FEZ1: variants seen among roughly 807,000 people sequenced by gnomAD.
FEZ1 encodes fasciculation and elongation protein zeta 1, also known as fasciculation and elongation protein zeta-1.
FEZ1 carries 20 observed loss-of-function variants against 49.3 expected under a neutral mutation model. The observed-to-expected ratio is 0.41, with a 90% CI of 0.29 to 0.59. The LOEUF is 0.59. FEZ1 is among the 20% of genes least tolerant of loss of function. The pLI, the probability that FEZ1 is intolerant of heterozygous loss-of-function variation, is 0.36. For missense variants in FEZ1, 413 were observed against 476.0 expected, an observed-to-expected ratio of 0.87 and a Z score of 1.23; for synonymous variants, 170 against 180.9, an observed-to-expected ratio of 0.94 and a Z score of 0.48.
intron 3 of FEZ1, among the ~76,000 whole-genome samples, chr11:125,468,834 CT>C (rs1427268116): frequency 6.6e-6 from 1 of 152,160 alleles, no homozygotes; most frequent in African/African-American, 2.4e-5. Context: ...GGAAGATTTG[CT>C]GGTATTCTTC....
At chr11:125,457,417 AAAAAAAAAAAAAAT>A (rs1435368739) in intron 5 of FEZ1, among the ~76,000 whole-genome samples, 3 of 38,652 alleles carry the variant, frequency 7.8e-5, no homozygotes, top group African/African-American at 3.0e-4. Context: ...AAAAAAAAAA[AAAAAAAAAAAAAAT>A]ATATATATAT....
intron 3 of FEZ1, among the ~76,000 whole-genome samples, chr11:125,474,721 C>G (rs1957214853): frequency 6.6e-6 from 1 of 151,684 alleles, no homozygotes; most frequent in South Asian, 2.1e-4. Flanking sequence ...AACCCCGTCT[C>G]TACTAAAAAT....
chr11:125,491,990 T>A (rs181736918), intron 1 of FEZ1, among the ~76,000 whole-genome samples: 88 of 152,336 alleles, frequency 5.8e-4, no homozygotes, highest in African/African-American at 2.1e-3. Context: ...GTTAACATCT[T>A]TAGGAGTTAT....
chr11:125,489,787 G>T lies in FEZ1; in HGVS notation c.-10C>A. 1.3e-6 allele frequency: 2 copies of T among 1,523,512 alleles called. No individual in the cohort carries two copies. The highest frequency in any genetic ancestry group is 2.8e-5 in the African/African-American group (2 of 71,776). The allele number at this position is 1,523,512 out of a possible 1,614,324, so 94.4% of individuals were successfully genotyped here. ...CCAGTGGGGCCTCCATTCTTGCTCA[G>T]CAGGAGAACAACAGCGACTTTCAGG... On this transcript the variant is annotated 5_prime_UTR_variant, in exon 2 of 10. In the 5' UTR this introduces an upstream ATG that the reference lacks. Coordinates refer to ENST00000278919, the MANE Select transcript of FEZ1 (RefSeq NM_005103.5). This position sits in a 1 kb window ranked among gnomAD's most constrained non-coding sequence, Gnocchi z 4.2.
rs1956886375 is a variant in FEZ1, at chr11:125,444,946, G to C, written c.*1149C>G. Among the ~76,000 whole-genome samples the C allele has an allele frequency of 6.6e-6, 1 of 152,234 alleles. No homozygotes were observed. The highest frequency in any genetic ancestry group is 6.5e-5 in the Admixed American group (1 of 15,290). On this transcript the variant is annotated 3_prime_UTR_variant, in exon 10 of 10. Transcript: ENST00000278919. ...ATGAAGCCAGTGCAGGCTACAGCAAGTGCCCAGTACAAGTTTTTGCTTTCA... is the reference window on the plus strand; with the variant it reads ...ATGAAGCCAGTGCAGGCTACAGCAACTGCCCAGTACAAGTTTTTGCTTTCA...
At chr11:125,493,829 T>G (rs183570718) in intron 1 of FEZ1, among the ~76,000 whole-genome samples, 2 of 152,338 alleles carry the variant, frequency 1.3e-5, no homozygotes, top group South Asian at 2.1e-4. Flanking sequence ...GAGAAGCAGA[T>G]GGTGACACCA....
intron 3 of FEZ1, among the ~76,000 whole-genome samples, chr11:125,466,934 T>C (rs1265922389): frequency 6.6e-6 from 1 of 151,880 alleles, no homozygotes; most frequent in Non-Finnish European, 1.5e-5. Context: ...TTGTTTGACA[T>C]GAGTGGTTGC....
rs200817011 is a variant in FEZ1 at position 125,456,129 on chromosome 11, G to T, written c.668-23C>A. 1.9e-6 allele frequency: 3 copies of T among 1,555,854 alleles called. No homozygotes were observed. The South Asian group carries it at 3.7e-5, about 19-fold the overall frequency. Reference sequence around the variant, plus strand: ...GCCCTGCAGGGGAAGACCGTCTCCCGCATAACACCTGCATCCACACCAGAG... The same window carrying T: ...GCCCTGCAGGGGAAGACCGTCTCCCTCATAACACCTGCATCCACACCAGAG... On this transcript the variant is annotated intron_variant, in intron 5 of 9. Transcript: ENST00000278919.
chr11:125,472,122 A>G (rs1032064003), intron 3 of FEZ1, among the ~76,000 whole-genome samples: 3 of 152,110 alleles, frequency 2.0e-5, no homozygotes, highest in African/African-American at 7.2e-5. Context: ...CAGTGCTTAA[A>G]GGGAATTTTA....
chr11:125,480,492 A>G (rs528262961), intron 3 of FEZ1, among the ~76,000 whole-genome samples: 1 of 152,302 alleles, frequency 6.6e-6, no homozygotes, highest in South Asian at 2.1e-4. Flanking sequence ...TGTTCTCAGC[A>G]CTGTTTTTGT....
At chr11:125,470,937 C>A (rs1244063206) in intron 3 of FEZ1, among the ~76,000 whole-genome samples, 1 of 151,838 alleles carries the variant, frequency 6.6e-6, no homozygotes, top group Non-Finnish European at 1.5e-5. Context: ...AAATATATGA[C>A]AATTATAGCA....
At position 125,446,783 on chromosome 11, in the gene FEZ1, T is replaced by A. The variant is rs867112038; in HGVS notation, c.1163-672A>T. On this transcript the variant is annotated intron_variant, in intron 9 of 9. Coordinates refer to ENST00000278919, the MANE Select transcript of FEZ1 (RefSeq NM_005103.5). ...AGTCTCAGCTCCTGGGTTCAAGTGATCCTCTCACCTCAGCCTCCTGAGTAG... is the reference window on the plus strand; with the variant it reads ...AGTCTCAGCTCCTGGGTTCAAGTGAACCTCTCACCTCAGCCTCCTGAGTAG... Among the ~76,000 whole-genome samples the A allele has an allele frequency of 5.9e-5, 9 of 152,106 alleles. No homozygotes were observed. The South Asian group carries it at 1.9e-3, about 32-fold the overall frequency.
chr11:125,446,140 G>A (rs775094507), intron 9 of FEZ1, 29 bp from the exon 10 acceptor site: 58 of 1,613,214 alleles, frequency 3.6e-5, no homozygotes, highest in Non-Finnish European at 4.4e-5. Context: ...AGGGGAGAGC[G>A]GTCAGAACAC....
At chr11:125,479,251 A>G (rs1591597451) in intron 3 of FEZ1, among the ~76,000 whole-genome samples, 1 of 152,340 alleles carries the variant, frequency 6.6e-6, no homozygotes, top group Non-Finnish European at 1.5e-5. Flanking sequence ...AAATCAGTCA[A>G]CTGCTGATCT....
At chr11:125,485,794 A>AAC (rs913272228) in intron 2 of FEZ1, among the ~76,000 whole-genome samples, 3 of 151,792 alleles carry the variant, frequency 2.0e-5, no homozygotes, top group Non-Finnish European at 4.4e-5. Context: ...AAAAAAAAAA[A>AAC]AATTAGTCCG....
At chr11:125,487,845 T>C (rs1435317497) in intron 2 of FEZ1, among the ~76,000 whole-genome samples, 1 of 152,222 alleles carries the variant, frequency 6.6e-6, no homozygotes, top group African/African-American at 2.4e-5. Context: ...ATCAGACAGA[T>C]ATTTGGCCCC....
At chr11:125,461,143 G>T (rs1957070548) in intron 4 of FEZ1, among the ~76,000 whole-genome samples, 2 of 152,220 alleles carry the variant, frequency 1.3e-5, no homozygotes, top group South Asian at 4.1e-4. Context: ...ACCTAGACAG[G>T]AACTGAAGCT....
At chr11:125,464,441 C>T (rs1591588972) in intron 3 of FEZ1, among the ~76,000 whole-genome samples, 1 of 152,178 alleles carries the variant, frequency 6.6e-6, no homozygotes, top group Admixed American at 6.6e-5. Flanking sequence ...AAGGAGGAGG[C>T]AGGAGGTGTC....
intron 3 of FEZ1, among the ~76,000 whole-genome samples, chr11:125,473,961 C>T (rs1173819817): frequency 6.6e-6 from 1 of 151,238 alleles, no homozygotes; most frequent in Non-Finnish European, 1.5e-5. Flanking sequence ...TTCTTAAATA[C>T]AACATAAACA....
Sources: gnomAD v4.1 joint callset for allele counts (sites outside exome capture counted in the v4.1 genomes callset) on GRCh38, gnomAD v4.1.1 for gene constraint, Gnocchi (gnomAD v3.1) non-coding constraint, MANE v1.5 for transcripts, NCBI Gene and HGNC (gene_info 2026-07-23, HGNC 2026-07-21) for gene names.